The following UBAP2 variants were observed in gnomAD, a reference collection of about 807,000 sequenced individuals.
The protein encoded by UBAP2 is ubiquitin-associated protein 2.
A neutral mutation model predicts 139.6 loss-of-function variants in UBAP2; 75 were observed. That is an observed-to-expected ratio of 0.54 (90% CI 0.45 to 0.65). The LOEUF (loss-of-function observed/expected upper bound fraction) is 0.65, where lower values mean the gene tolerates loss of function less well. Ranked by LOEUF, UBAP2 falls within the 30% of genes least tolerant of loss-of-function variation. UBAP2 has a pLI of 0.00. For synonymous variants in UBAP2, 526 were observed against 526.2 expected (o/e 1.00, Z 0.01); for missense variants, 1,368 against 1,369.6 (o/e 1.00, Z 0.02).
intron 1 of UBAP2, among the ~76,000 whole-genome samples, chr9:34,029,929 G>A (rs1365044964): frequency 3.3e-5 from 5 of 151,152 alleles, no homozygotes; most frequent in Non-Finnish European, 5.9e-5. Flanking sequence ...AGAGGTTGCA[G>A]TGAGCTGAGA....
chr9:34,035,514 A>AAAAATATATATATATATATATATAT, intron 1 of UBAP2, among the ~76,000 whole-genome samples: 1 of 22,492 alleles, frequency 4.4e-5, no homozygotes, highest in Non-Finnish European at 9.8e-5. Flanking sequence ...AAAAAAAAAA[A>AAAAATATATATATATATATATATAT]ATATATATAT....
chr9:33,943,068 G>A (rs545163121), intron 15 of UBAP2, among the ~76,000 whole-genome samples: 17 of 126,232 alleles, frequency 1.3e-4, no homozygotes, highest in African/African-American at 5.4e-4. Context: ...TGAATAAAAT[G>A]TGGTATTATC....
intron 6 of UBAP2, among the ~76,000 whole-genome samples, chr9:33,977,041 TA>T (rs1474582335): frequency 7.0e-6 from 1 of 143,174 alleles, no homozygotes; most frequent in Non-Finnish European, 1.5e-5. Flanking sequence ...GTTTTTTATT[TA>T]TTTTTTTTTT....
At chr9:33,966,004 C>A (rs1009852666) in intron 8 of UBAP2, among the ~76,000 whole-genome samples, 6 of 149,764 alleles carry the variant, frequency 4.0e-5, no homozygotes, top group Admixed American at 2.7e-4. Flanking sequence ...GAGCAGAGAT[C>A]GTGCCACTGC....
chr9:33,978,138 C>G (rs1489684421), intron 6 of UBAP2, among the ~76,000 whole-genome samples: 1 of 151,224 alleles, frequency 6.6e-6, no homozygotes, highest in African/African-American at 2.4e-5. Flanking sequence ...CAGGAAATAA[C>G]CTATCTGTTC....
chr9:33,998,467 G>GC (rs1345805165), intron 3 of UBAP2: 2 of 210,898 alleles, frequency 9.5e-6, no homozygotes, highest in African/African-American at 4.6e-5. Context: ...CAGAGACTGT[G>GC]CCAAATGTTA....
At chr9:33,935,168 G>C (rs979180981) in intron 17 of UBAP2, among the ~76,000 whole-genome samples, 15 of 145,086 alleles carry the variant, frequency 1.0e-4, no homozygotes, top group East Asian at 3.9e-4. Context: ...AGTGGCGGGG[G>C]GGGGGGGTCT....
Position 34,034,994 on chromosome 9 carries a change from T to C in UBAP2, c.-42+13831A>G, listed in dbSNP as rs184483713. Among the ~76,000 whole-genome samples, 80 of 152,300 alleles carry C rather than the reference T, an allele frequency of 5.3e-4. 1 individual carries two copies. Among genetic ancestry groups the C allele is most frequent in the East Asian group, 2.9e-3 (15 of 5,188 alleles). On this transcript the variant is annotated intron_variant, in intron 1 of 28. Coordinates refer to ENST00000379238, the MANE Select transcript of UBAP2 (RefSeq NM_001370062.2). Reference sequence around the variant, plus strand: ...CACTCCTGAAACTTCATGTTCTATCTTGTAAGCAACAACTACATAAACTGT... The same window carrying C: ...CACTCCTGAAACTTCATGTTCTATCCTGTAAGCAACAACTACATAAACTGT...
rs144324389 is a variant in UBAP2, at chr9:34,032,443, T to C, written c.-41-15254A>G. ...GATTAACTTCCCACTAGTTACTCTG[T>C]CCCAAGGCTTCACAGGAAAGGGGAT... On this transcript the variant is annotated intron_variant, in intron 1 of 28. Transcript: ENST00000379238. 3.5e-3 allele frequency among the ~76,000 whole-genome samples: 539 copies of C among 152,218 alleles called. 2 individuals are homozygous for C. Among genetic ancestry groups the C allele is most frequent in the African/African-American group, 0.012 (493 of 41,528 alleles).
intron 2 of UBAP2, among the ~76,000 whole-genome samples, chr9:34,003,307 A>C (rs1822885247): frequency 6.6e-6 from 1 of 151,546 alleles, no homozygotes; most frequent in Non-Finnish European, 1.5e-5. Context: ...CTGGGATTAC[A>C]GGTATGCACC....
At chr9:33,931,057 C>G (rs1823939562) in intron 19 of UBAP2, among the ~76,000 whole-genome samples, 1 of 152,176 alleles carries the variant, frequency 6.6e-6, no homozygotes, top group African/African-American at 2.4e-5. Context: ...CTTTCCATAA[C>G]TTTTCAGATG....
In UBAP2 at chr9:33,953,455, G is replaced by A; in HGVS notation, c.886C>T (p.Leu296Phe). Residue 296 changes from leucine to phenylalanine, a missense_variant, in exon 12 of 29, where the codon CTC (leucine) becomes TTC (phenylalanine). Physicochemically the swap from Leu to Phe is conservative, Grantham distance 22. Transcript: ENST00000379238. ...TGACTGTGAGGAACAGGCTTCTGGA[G>A]CAAGGCTACCAGATCAATGCTAAGC... Reference protein sequence around the residue: ...PGQSIDLVALLQKPVPHSQAS... With the variant: ...PGQSIDLVALFQKPVPHSQAS... The A allele has an allele frequency of 6.2e-7, 1 of 1,614,044 alleles. No individual in the cohort carries two copies. Among genetic ancestry groups the A allele is most frequent in the Non-Finnish European group, 8.5e-7 (1 of 1,179,962 alleles).
intron 16 of UBAP2, among the ~76,000 whole-genome samples, chr9:33,937,103 A>C (rs1033023258): frequency 6.6e-6 from 1 of 152,006 alleles, no homozygotes; most frequent in African/African-American, 2.4e-5. Context: ...AACTCTTTCT[A>C]AAAAATAAAG....
At chr9:34,013,777 T>C (rs1823984187) in intron 2 of UBAP2, among the ~76,000 whole-genome samples, 2 of 150,748 alleles carry the variant, frequency 1.3e-5, no homozygotes. Context: ...CTCCAGAGGC[T>C]GAGGCAGGAG....
chr9:34,019,916 C>G lies in UBAP2; in HGVS notation c.-41-2727G>C, dbSNP rs1185782324. 7.9e-5 allele frequency among the ~76,000 whole-genome samples: 12 copies of G among 152,020 alleles called. No individual in the cohort carries two copies. The South Asian group carries it at 2.5e-3, about 32-fold the overall frequency. ...GTGGCTCATATCTGTAATCCTAACA[C>G]TTTGGGAGGCTGAGGCAGGCAGATC... is the stretch of plus-strand genomic sequence containing the variant. On this transcript the variant is annotated intron_variant, in intron 1 of 28. Coordinates refer to ENST00000379238, the MANE Select transcript of UBAP2 (RefSeq NM_001370062.2).
At chr9:33,981,835 G>GA (rs1481240356) in intron 6 of UBAP2, among the ~76,000 whole-genome samples, 6 of 117,604 alleles carry the variant, frequency 5.1e-5, no homozygotes, top group Non-Finnish European at 6.9e-5. Flanking sequence ...GGGAAGGAGG[G>GA]AAGGGGGGAA....
chr9:33,984,668 A>G (rs1427666509), intron 6 of UBAP2, among the ~76,000 whole-genome samples: 1 of 148,118 alleles, frequency 6.8e-6, no homozygotes, highest in Non-Finnish European at 1.5e-5. Flanking sequence ...ACAGAGTGAG[A>G]CACTGTCTCT....
intron 8 of UBAP2, among the ~76,000 whole-genome samples, chr9:33,966,985 T>TCA (rs1827513792): frequency 6.6e-6 from 1 of 152,186 alleles, no homozygotes; most frequent in Admixed American, 6.5e-5. Flanking sequence ...AAACTAAATG[T>TCA]CACAACAGTG....
chr9:33,944,593 G>C lies in UBAP2; in HGVS notation c.1317C>G (p.Ser439Arg), dbSNP rs776747292. 21 of 1,613,962 alleles carry C rather than the reference G, an allele frequency of 1.3e-5. No homozygotes were observed. The African/African-American group carries it at 2.7e-4, about 21-fold the overall frequency. Reference protein sequence around the residue: ...PEPSPVLSQLSQRQQHQSQAV... With the variant: ...PEPSPVLSQLRQRQQHQSQAV... ...CCTGGCTCTGGTGCTGTTGTCGCTG[G>C]CTCAACTGGCTAAGAACTGGGGATG... The change falls in exon 14 of 29, where the codon AGC (serine) becomes AGG (arginine). Residue 439 changes from serine (S) to arginine (R), a missense_variant. By Grantham distance (110) the Ser-to-Arg change is moderately radical. Transcript: ENST00000379238.
Sources: allele counts gnomAD v4.1 joint callset (sites outside exome capture counted in the v4.1 genomes callset), GRCh38; gene constraint gnomAD v4.1.1; transcripts MANE v1.5; gene names NCBI Gene and HGNC (gene_info 2026-07-23, HGNC 2026-07-21).